Variants in AP3B1 observed in about 807,000 individuals in gnomAD.
AP3B1 encodes adaptor related protein complex 3 subunit beta 1, also known as AP-3 complex subunit beta-1.
In AP3B1, 61 loss-of-function variants were observed where a neutral mutation model predicts 132.5. The ratio of observed to expected loss-of-function variants is 0.46; its 90% CI spans 0.37 to 0.57. The LOEUF is 0.57. Ranked by LOEUF, AP3B1 falls within the 20% of genes least tolerant of loss-of-function variation. The pLI is 0.00. For synonymous variants in AP3B1, 388 were observed against 438.3 expected (o/e 0.89, Z 1.43); for missense variants, 1,120 against 1,289.4 (o/e 0.87, Z 2.01).
intron 12 of AP3B1, among the ~76,000 whole-genome samples, chr5:78,164,750 C>T (rs114438949): frequency 0.015 from 2,244 of 152,096 alleles, 58 homozygotes; most frequent in African/African-American, 0.051. Context: ...CCATATTATT[C>T]TACTATTCCT....
intron 23 of AP3B1, among the ~76,000 whole-genome samples, chr5:78,036,867 T>C (rs1747830322): frequency 6.6e-6 from 1 of 152,156 alleles, no homozygotes; most frequent in South Asian, 2.1e-4. Flanking sequence ...CTTAAAATGT[T>C]TTTGGAGGAC....
intron 22 of AP3B1, among the ~76,000 whole-genome samples, chr5:78,082,879 G>A (rs1016105360): frequency 1.3e-5 from 2 of 151,706 alleles, no homozygotes; most frequent in African/African-American, 4.8e-5. Flanking sequence ...GCAGTGGCGC[G>A]ATCTTGGCTC....
chr5:78,118,797 G>A (rs1279370291), intron 17 of AP3B1, among the ~76,000 whole-genome samples: 1 of 152,194 alleles, frequency 6.6e-6, no homozygotes, highest in Non-Finnish European at 1.5e-5. Flanking sequence ...AGACTTAAAT[G>A]TCCCTGTCTG....
At chr5:78,015,300 A>G (rs1746810600) in intron 26 of AP3B1, 110 bp downstream of exon 26, 4 of 1,128,158 alleles carry the variant, frequency 3.5e-6, no homozygotes, top group Non-Finnish European at 3.9e-6. Context: ...GTGTGTATAT[A>G]TATATATGTT....
intron 2 of AP3B1, among the ~76,000 whole-genome samples, chr5:78,250,974 C>G (rs529951521): frequency 7.2e-5 from 11 of 152,122 alleles, no homozygotes; most frequent in African/African-American, 2.6e-4. Context: ...CAGAGGCAAA[C>G]AGAGGATGGA....
At chr5:78,068,961 T>C (rs2112158496) in intron 22 of AP3B1, among the ~76,000 whole-genome samples, 1 of 152,256 alleles carries the variant, frequency 6.6e-6, no homozygotes, top group South Asian at 2.1e-4. Context: ...CCTATGCAAA[T>C]CAATAAACAT....
chr5:78,017,937 AT>A (rs1395527548), intron 25 of AP3B1, among the ~76,000 whole-genome samples: 8 of 152,108 alleles, frequency 5.3e-5, no homozygotes, highest in Admixed American at 5.2e-4. Flanking sequence ...ACCAAATAAC[AT>A]AAAAAAATTC....
At chr5:78,096,813 G>A (rs368390713) in intron 21 of AP3B1, among the ~76,000 whole-genome samples, 5,189 of 151,286 alleles carry the variant, frequency 0.034, 180 homozygotes, top group East Asian at 0.14. Flanking sequence ...GTCTCCGCCC[G>A]GCAGCCGCCC....
At chr5:78,080,437 T>TGTAG (rs1188835827) in intron 22 of AP3B1, among the ~76,000 whole-genome samples, 2 of 152,056 alleles carry the variant, frequency 1.3e-5, no homozygotes, top group Non-Finnish European at 2.9e-5. Context: ...TAGTGATAGA[T>TGTAG]GTAGTTTCCA....
chr5:78,188,405 A>G (rs1271715525), intron 7 of AP3B1, among the ~76,000 whole-genome samples: 2 of 152,216 alleles, frequency 1.3e-5, no homozygotes, highest in African/African-American at 4.8e-5. Flanking sequence ...CAACCCCATT[A>G]AAAAGTGGGC....
In AP3B1 at chr5:78,141,310, C is replaced by A. The variant is rs987228392; in HGVS notation, c.1483G>T (p.Ala495Ser). Residue 495 changes from alanine to serine, a missense_variant, in exon 15 of 27, where the codon GCT (alanine) becomes TCT (serine). Transcript: ENST00000255194. ...ATTAGCCAAAGAATACTTGCTCTAG[C>A]AACAGGAACCTAATATGAGAAGCAG... Reference protein sequence around the residue: ...KLLDSITVPVARASILWLIGE... With the variant: ...KLLDSITVPVSRASILWLIGE... The A allele has an allele frequency of 6.2e-7, 1 of 1,612,890 alleles. No homozygotes were observed. Among genetic ancestry groups the A allele is most frequent in the African/African-American group, 1.3e-5 (1 of 74,894 alleles).
At chr5:78,168,564 T>C (rs576888327) in intron 11 of AP3B1, among the ~76,000 whole-genome samples, 1 of 152,264 alleles carries the variant, frequency 6.6e-6, no homozygotes, top group East Asian at 1.9e-4. Context: ...AGGAAAAAGC[T>C]ACACGTATAG....
intron 1 of AP3B1, among the ~76,000 whole-genome samples, chr5:78,281,434 C>CAAAAAAA (rs36002317): frequency 4.4e-5 from 3 of 68,254 alleles, no homozygotes; most frequent in South Asian, 5.3e-4. Flanking sequence ...AACTCTGCCT[C>CAAAAAAA]AAAAAAAAAA....
intron 7 of AP3B1, among the ~76,000 whole-genome samples, chr5:78,203,059 C>T (rs1745361646): frequency 1.3e-5 from 2 of 152,154 alleles, no homozygotes; most frequent in South Asian, 4.1e-4. Context: ...CTTCAACTAC[C>T]TTCTGGCCCC....
intron 2 of AP3B1, among the ~76,000 whole-genome samples, chr5:78,251,174 C>A (rs1747616636): frequency 6.6e-6 from 1 of 152,144 alleles, no homozygotes. Flanking sequence ...TGAATATTTT[C>A]TTTTTCCTCA....
intron 7 of AP3B1, among the ~76,000 whole-genome samples, chr5:78,213,601 G>A (rs984987117): frequency 2.6e-5 from 4 of 152,016 alleles, no homozygotes; most frequent in Non-Finnish European, 1.5e-5. Flanking sequence ...TTACACAATC[G>A]ATGAATAATT....
At chr5:78,186,109 G>C (rs577987017) in intron 7 of AP3B1, among the ~76,000 whole-genome samples, 1 of 152,194 alleles carries the variant, frequency 6.6e-6, no homozygotes, top group East Asian at 1.9e-4. Context: ...TGGCAAAGTA[G>C]ATTAAAACCC....
intron 7 of AP3B1, among the ~76,000 whole-genome samples, chr5:78,186,525 T>C (rs1232910669): frequency 1.3e-5 from 2 of 152,168 alleles, no homozygotes; most frequent in African/African-American, 4.8e-5. Flanking sequence ...TTTGACTGTA[T>C]CAATGTCAAT....
chr5:78,106,667 AGGTAATGAAGAGCT>A (rs1177580264), intron 20 of AP3B1, among the ~76,000 whole-genome samples: 2 of 152,194 alleles, frequency 1.3e-5, no homozygotes, highest in Non-Finnish European at 2.9e-5. Flanking sequence ...TGGTCTATGC[AGGTAATGAAGAGCT>A]AATCTAGAAT....
Sources: allele counts gnomAD v4.1 joint callset (sites outside exome capture counted in the v4.1 genomes callset), GRCh38; gene constraint gnomAD v4.1.1; transcripts MANE v1.5; gene names NCBI Gene and HGNC (gene_info 2026-07-23, HGNC 2026-07-21).